Variants in P3H1 observed in about 807,000 individuals in gnomAD.
P3H1 encodes growth suppressor 1.
P3H1 carries 69 observed loss-of-function variants against 84.0 expected under a neutral mutation model. The ratio of observed to expected loss-of-function variants is 0.82; its 90% CI spans 0.68 to 1.00. The LOEUF is 1.00. Ranked by LOEUF, P3H1 falls within the 50% of genes least tolerant of loss-of-function variation. The pLI, the probability that P3H1 is intolerant of heterozygous loss-of-function variation, is 0.00. For synonymous variants in P3H1, 366 were observed against 388.8 expected (o/e 0.94, Z 0.69); for missense variants, 878 against 962.8 (o/e 0.91, Z 1.17).
rs370276073 is a variant in P3H1 at position 42,756,145 on chromosome 1, A to G, written c.1081-508T>C. On this transcript the variant is annotated intron_variant, in intron 5 of 14. Coordinates refer to ENST00000296388, the MANE Select transcript of P3H1 (RefSeq NM_022356.4). ...GAGATGTACCACTGTCTAAGGTGAC[A>G]CTACAGGACATGGGAGAGCAGCGAC... is the stretch of plus-strand genomic sequence containing the variant. Among the ~76,000 whole-genome samples, 6 of 152,338 alleles carry G rather than the reference A, an allele frequency of 3.9e-5. No individual in the cohort carries two copies. The East Asian group carries it at 7.7e-4, about 20-fold the overall frequency.
intron 10 of P3H1, among the ~76,000 whole-genome samples, chr1:42,751,146 A>T (rs1652052583): frequency 7.3e-6 from 1 of 137,710 alleles, no homozygotes; most frequent in South Asian, 2.6e-4. Flanking sequence ...GGTGGGGAAA[A>T]AATTGAGAAA....
Position 42,754,952 on chromosome 1 carries a change from A to G in P3H1, c.1262T>C (p.Ile421Thr), listed in dbSNP as rs1393337468. The part of the protein sequence containing the change: ...RETAVRISQE[I>T]GNLMKEIETL... The stretch of plus-strand genomic sequence containing the variant: ...CTCGATTTCCTTCATAAGGTTCCCA[A>G]TCTCCTGGGAGATGCGTACGGCTGT... Residue 421 changes from isoleucine to threonine, a missense_variant, in exon 8 of 15, where the codon ATT becomes ACT. Physicochemically the swap from Ile to Thr is moderately conservative, Grantham distance 89. Coordinates refer to ENST00000296388, the MANE Select transcript of P3H1 (RefSeq NM_022356.4). This position sits in a 1 kb window ranked among gnomAD's most constrained non-coding sequence, Gnocchi z 4.0. 8.1e-6 allele frequency: 13 copies of G among 1,613,950 alleles called. No individual in the cohort carries two copies. The highest frequency in any genetic ancestry group is 4.0e-5 in the African/African-American group (3 of 74,878).
Position 42,766,996 on chromosome 1 carries a change from G to C in P3H1, c.-25C>G. The C allele has an allele frequency of 6.2e-7, 1 of 1,600,934 alleles. No homozygotes were observed. Among genetic ancestry groups the C allele is most frequent in the Non-Finnish European group, 8.5e-7 (1 of 1,178,114 alleles). Reference sequence around the variant, plus strand: ...TCGCTCCCTCAGACCTAACGGAACCGCCAGCCACCCGCCACCAAGGCCGGA... The same window carrying C: ...TCGCTCCCTCAGACCTAACGGAACCCCCAGCCACCCGCCACCAAGGCCGGA... On this transcript the variant is annotated 5_prime_UTR_variant, in exon 1 of 15. Transcript: ENST00000296388.
Position 42,766,605 on chromosome 1 carries a change from A to T in P3H1, c.367T>A (p.Cys123Ser). ...LLRRAACLRRCLGPPAAHSLS... is the reference protein window; with the variant it reads ...LLRRAACLRRSLGPPAAHSLS... ...GAGTGGGCGGCCGGCGGCCCGAGGC[A>T]GCGGCGCAGGCAGGCAGCGCGACGC... The change falls in exon 1 of 15, where the codon TGC (cysteine) becomes AGC (serine). Residue 123 changes from cysteine to serine, a missense_variant. Transcript: ENST00000296388. 1.9e-6 allele frequency: 3 copies of T among 1,608,600 alleles called. No individual in the cohort carries two copies. The highest frequency in any genetic ancestry group is 2.5e-6 in the Non-Finnish European group (3 of 1,177,996).
rs559371057 is a variant in P3H1 at position 42,757,787 on chromosome 1, C to T, written c.1076G>A (p.Arg359His). 58 of 1,614,102 alleles carry T rather than the reference C, an allele frequency of 3.6e-5. No individual in the cohort carries two copies. The highest frequency in any genetic ancestry group is 3.3e-4 in the East Asian group (15 of 44,898). ...TAACAGAAGGAAGTCTCTCACCTCA[C>T]GGGGGCCGATGGATCTGGTGTGTTC... The part of the protein sequence containing the change: ...GEEHTRSIGP[R>H]ESAKEYRQRS... The change falls in exon 5 of 15, where the codon CGT (arginine) becomes CAT (histidine). Residue 359 changes from arginine (R) to histidine (H), a missense_variant. Transcript: ENST00000296388.
intron 1 of P3H1, 57 bp downstream of exon 1, chr1:42,766,450 T>C: frequency 6.8e-7 from 1 of 1,466,684 alleles, no homozygotes; most frequent in East Asian, 2.5e-5. Context: ...TCAGGTCCCC[T>C]GCAACACTCC....
intron 2 of P3H1, chr1:42,760,548 T>A (rs546981600): frequency 1.3e-5 from 2 of 152,268 alleles, no homozygotes; most frequent in South Asian, 4.1e-4. Context: ...GATTTCACCA[T>A]GTTGGCCAGG....
chr1:42,752,166 G>A lies in P3H1; in HGVS notation c.1569+108C>T, dbSNP rs533681140. 6.7e-6 allele frequency: 6 copies of A among 898,618 alleles called. No individual in the cohort carries two copies. The South Asian group carries it at 7.9e-5, about 12-fold the overall frequency. The allele number at this position is 898,618 out of a possible 1,614,324, so 55.7% of individuals were successfully genotyped here. A position where few individuals can be genotyped will look rare whatever the true frequency, so the allele number is the denominator to read the frequency against. On this transcript the variant is annotated intron_variant, in intron 10 of 14. Transcript: ENST00000296388. ...CTGGCAACAAGAATGTTGGCAGGTG[G>A]ACCCTCTTCACCTTTCCTGCCACCA... is the stretch of plus-strand genomic sequence containing the variant.
chr1:42,765,014 C>T (rs1652916369), intron 1 of P3H1, among the ~76,000 whole-genome samples: 1 of 152,212 alleles, frequency 6.6e-6, no homozygotes, highest in Non-Finnish European at 1.5e-5. Context: ...AGTGCCACCA[C>T]TTTCTCCTTC....
chr1:42,747,880 A>G (rs1370633977), intron 12 of P3H1, 82 bp from the exon 13 acceptor site: 1 of 1,332,148 alleles, frequency 7.5e-7, no homozygotes, highest in East Asian at 2.3e-5. Flanking sequence ...GCTCTCAACC[A>G]GCAGCAGGAG....
chr1:42,750,916 T>C (rs1354884830), intron 10 of P3H1, among the ~76,000 whole-genome samples: 55 of 110,574 alleles, frequency 5.0e-4, no homozygotes, highest in South Asian at 1.4e-3. Context: ...CCCCTCTGCC[T>C]GGCCAGCCGC....
chr1:42,747,814 ACATCTCAT>A lies in P3H1; in HGVS notation c.1839-24_1839-17del, dbSNP rs1483212671. The A allele has an allele frequency of 6.2e-7, 1 of 1,612,918 alleles. No homozygotes were observed. Among genetic ancestry groups the A allele is most frequent in the Admixed American group, 1.7e-5 (1 of 60,020 alleles). On this transcript the variant is annotated splice_polypyrimidine_tract_variant and intron_variant, in intron 12 of 14. Transcript: ENST00000296388. Reference sequence around the variant, plus strand: ...AAGGATGGCGCTGGGAAAGGCAGAGACATCTCATCATGGCCCTTCCCTGCCTCCCTTTC... The same window carrying A: ...AAGGATGGCGCTGGGAAAGGCAGAGACATGGCCCTTCCCTGCCTCCCTTTC...
chr1:42,746,845 AC>A lies in P3H1; in HGVS notation c.2062del (p.Val688CysfsTer7). On this transcript the variant is annotated frameshift_variant, in exon 15 of 15. Coordinates refer to ENST00000296388, the MANE Select transcript of P3H1 (RefSeq NM_022356.4). LOFTEE classifies it high-confidence loss of function. ...CATCTTCACCAGGTCATCTGCCTGC[AC>A]CCTGTCCTGCAAGGACAAACCCCTG... ...LDPRHSERDRVQADDLVKMLF... is the reference protein window; with the variant it reads ...LDPRHSERDRXQADDLVKMLF... 7 of 1,613,840 alleles carry A rather than the reference AC, an allele frequency of 4.3e-6. No homozygotes were observed. Among genetic ancestry groups the A allele is most frequent in the Non-Finnish European group, 5.9e-6 (7 of 1,179,938 alleles).
chr1:42,756,134 T>A (rs1652390377), intron 5 of P3H1, among the ~76,000 whole-genome samples: 1 of 152,208 alleles, frequency 6.6e-6, no homozygotes, highest in Non-Finnish European at 1.5e-5. Context: ...TGTACCACTG[T>A]CTAAGGTGAC....
chr1:42,763,415 T>G (rs1265027903), intron 1 of P3H1, among the ~76,000 whole-genome samples: 1 of 151,978 alleles, frequency 6.6e-6, no homozygotes, highest in Non-Finnish European at 1.5e-5. Flanking sequence ...CTCATGCCTG[T>G]AATCCCAGCA....
At chr1:42,766,459 C>T in intron 1 of P3H1, 48 bp downstream of exon 1, 1 of 1,504,518 alleles carries the variant, frequency 6.6e-7, no homozygotes, top group Non-Finnish European at 9.1e-7. Context: ...CTGCAACACT[C>T]CTCTCCCCAG....
At chr1:42,747,841 C>T (rs768725811) in intron 12 of P3H1, 43 bp from the exon 13 acceptor site, 2 of 1,581,580 alleles carry the variant, frequency 1.3e-6, no homozygotes, top group East Asian at 4.5e-5. Flanking sequence ...TTCCCTGCCT[C>T]CCTTTCCCCT....
intron 13 of P3H1, 44 bp downstream of exon 13, chr1:42,747,679 A>G (rs1651806225): frequency 6.2e-7 from 1 of 1,604,174 alleles, no homozygotes; most frequent in Non-Finnish European, 8.5e-7. Flanking sequence ...GCTGTAGAAA[A>G]CAGACTTTTT....
intron 4 of P3H1, among the ~76,000 whole-genome samples, chr1:42,758,217 A>G (rs1333138861): frequency 2.6e-5 from 4 of 152,210 alleles, no homozygotes; most frequent in Non-Finnish European, 5.9e-5. Flanking sequence ...AAGATTCACA[A>G]ATAATTCCAA....
Sources: allele counts gnomAD v4.1 joint callset (sites outside exome capture counted in the v4.1 genomes callset), GRCh38; gene constraint gnomAD v4.1.1; non-coding constraint Gnocchi (gnomAD v3.1); transcripts MANE v1.5; gene names NCBI Gene and HGNC (gene_info 2026-07-23, HGNC 2026-07-21).